Variants in RIC8B observed in about 807,000 individuals in gnomAD.
RIC8B encodes the protein chaperone Ric-8B.
RIC8B carries 16 observed loss-of-function variants against 57.5 expected under a neutral mutation model. That is an observed-to-expected ratio of 0.28 (90% CI 0.19 to 0.42). RIC8B has a LOEUF of 0.42. RIC8B is among the 10% of genes least tolerant of loss of function. The probability of loss-of-function intolerance (pLI) is 1.00; values close to 1 mark genes in which losing one functional copy is unlikely to be tolerated. For synonymous variants in RIC8B, 216 were observed against 250.8 expected, an observed-to-expected ratio of 0.86 and a Z score of 1.31; for missense variants, 481 against 677.0, an observed-to-expected ratio of 0.71 and a Z score of 3.21.
At chr12:106,786,771 CTG>C (rs571269384) in intron 2 of RIC8B, among the ~76,000 whole-genome samples, 39 of 151,384 alleles carry the variant, frequency 2.6e-4, no homozygotes, top group African/African-American at 9.0e-4. Context: ...AAGAGATTTG[CTG>C]TATGTGCTAA....
intron 2 of RIC8B, among the ~76,000 whole-genome samples, chr12:106,812,818 A>C (rs1267405327): frequency 6.6e-6 from 1 of 152,220 alleles, no homozygotes; most frequent in Non-Finnish European, 1.5e-5. Context: ...GTGCTTTAAC[A>C]ATGATAGTAA....
chr12:106,847,164 G>A lies in RIC8B; in HGVS notation c.1161+3217G>A, dbSNP rs191352417. 7.2e-5 allele frequency among the ~76,000 whole-genome samples: 11 copies of A among 152,140 alleles called. No individual in the cohort carries two copies. The East Asian group carries it at 1.3e-3, about 19-fold the overall frequency. The stretch of plus-strand genomic sequence containing the variant: ...TTGTATTATTCTGGAGAGGCTTATA[G>A]AAGCAATGAGTATTTGGGGGATTTG... On this transcript the variant is annotated intron_variant, in intron 6 of 9. Coordinates refer to ENST00000392837, the MANE Select transcript of RIC8B (RefSeq NM_001330145.2).
intron 2 of RIC8B, among the ~76,000 whole-genome samples, chr12:106,811,538 G>A (rs1222167356): frequency 3.3e-5 from 5 of 152,128 alleles, no homozygotes; most frequent in Non-Finnish European, 7.4e-5. Context: ...ATTTCAGTTC[G>A]GGAGCAAACT....
At chr12:106,815,882 ATACCAGAGTGTGGGAAAGGTTAT>A (rs1269208045) in intron 3 of RIC8B, among the ~76,000 whole-genome samples, 1 of 152,232 alleles carries the variant, frequency 6.6e-6, no homozygotes, top group Admixed American at 6.5e-5. Context: ...CAAGCTGATT[ATACCAGAGTGTGGGAAAGGTTAT>A]TTTAAACCAC....
chr12:106,782,535 G>GTCT (rs2043812513), intron 1 of RIC8B, among the ~76,000 whole-genome samples: 1 of 152,178 alleles, frequency 6.6e-6, no homozygotes, highest in Non-Finnish European at 1.5e-5. Context: ...CTCCGTCGTA[G>GTCT]TCTTCCCCTG....
Position 106,804,989 on chromosome 12 carries a change from A to G in RIC8B, c.133-9707A>G, listed in dbSNP as rs191734152. On this transcript the variant is annotated intron_variant, in intron 2 of 9. Transcript: ENST00000392837. ...TGAGAAAAGGCACAGAAGTTTGGACAGGCATTAGAGAGTAGATTATTGTGC... is the reference window on the plus strand; with the variant it reads ...TGAGAAAAGGCACAGAAGTTTGGACGGGCATTAGAGAGTAGATTATTGTGC... Among the ~76,000 whole-genome samples the G allele has an allele frequency of 2.4e-3, 362 of 152,328 alleles. 1 individual carries two copies. Among genetic ancestry groups the G allele is most frequent in the African/African-American group, 8.2e-3 (339 of 41,582 alleles).
chr12:106,814,962 G>T lies in RIC8B; in HGVS notation c.399G>T (p.Gln133His). The change falls in exon 3 of 10, where the codon CAG (glutamine) becomes CAT (histidine). Residue 133 changes from glutamine to histidine, a missense_variant. Gln to His is a conservative substitution (Grantham distance 24). This residue lies in a region of RIC8B where 421 missense variants were observed against 560.9 expected (regional missense o/e 0.75). Coordinates refer to ENST00000392837, the MANE Select transcript of RIC8B (RefSeq NM_001330145.2). ...TGTTCAACAGTCAGATGGCACAGCA[G>T]CTCAGCCTGGAACTTAATCTTGCTG... ...NIVFNSQMAQQLSLELNLAAK... is the reference protein window; with the variant it reads ...NIVFNSQMAQHLSLELNLAAK... 1 of 1,614,234 alleles carries T rather than the reference G, an allele frequency of 6.2e-7. No individual in the cohort carries two copies. Among genetic ancestry groups the T allele is most frequent in the Non-Finnish European group, 8.5e-7 (1 of 1,180,036 alleles).
chr12:106,844,081 T>G, intron 6 of RIC8B, 134 bp downstream of exon 6: 1 of 686,102 alleles, frequency 1.5e-6, no homozygotes, highest in East Asian at 2.7e-5. Flanking sequence ...TGAAATCTTC[T>G]TAATCAAGAA....
intron 9 of RIC8B, among the ~76,000 whole-genome samples, chr12:106,883,747 A>G (rs114716250): frequency 0.013 from 1,981 of 151,812 alleles, 23 homozygotes; most frequent in Middle Eastern, 0.048. Flanking sequence ...TCTGCCACCA[A>G]TTCCAATGTG....
At chr12:106,782,438 A>G (rs2136158096) in intron 1 of RIC8B, among the ~76,000 whole-genome samples, 1 of 152,286 alleles carries the variant, frequency 6.6e-6, no homozygotes, top group South Asian at 2.1e-4. Flanking sequence ...CATTCCTCAC[A>G]GGGCATTATG....
In RIC8B at chr12:106,860,375, G is replaced by A; in HGVS notation, c.1414G>A (p.Asp472Asn). Residue 472 changes from aspartate to asparagine, a missense_variant, in exon 8 of 10, where the codon GAC becomes AAC. Around this residue, in one of 3 missense-constraint regions of RIC8B, gnomAD observed 43 missense variants for 99.8 expected, o/e 0.43. Transcript: ENST00000392837. ...RGDNWYSEDE[D>N]TDTEEYKNAK... The stretch of plus-strand genomic sequence containing the variant: ...AGATAATTGGTACTCAGAGGATGAG[G>A]ACACAGACACTGAAGAATACAAAAA... 2 of 1,595,382 alleles carry A rather than the reference G, an allele frequency of 1.3e-6. No homozygotes were observed. The highest frequency in any genetic ancestry group is 1.7e-6 in the Non-Finnish European group (2 of 1,171,584).
At chr12:106,836,697 C>T (rs757184443) in intron 4 of RIC8B, among the ~76,000 whole-genome samples, 1 of 152,228 alleles carries the variant, frequency 6.6e-6, no homozygotes, top group Non-Finnish European at 1.5e-5. Flanking sequence ...TGATGGCCTA[C>T]TGACTGTCCT....
At chr12:106,862,360 G>C (rs1482103746) in intron 8 of RIC8B, among the ~76,000 whole-genome samples, 2 of 151,936 alleles carry the variant, frequency 1.3e-5, no homozygotes, top group African/African-American at 4.8e-5. Flanking sequence ...CTTTTTTAAA[G>C]TGAAAAAGTG....
intron 4 of RIC8B, among the ~76,000 whole-genome samples, chr12:106,842,384 T>C (rs1173378576): frequency 6.6e-6 from 1 of 152,208 alleles, no homozygotes; most frequent in East Asian, 1.9e-4. Flanking sequence ...ACATTTGTTT[T>C]TTTTCTAATT....
intron 2 of RIC8B, 48 bp downstream of exon 2, chr12:106,784,092 A>G: frequency 1.3e-6 from 2 of 1,499,214 alleles, no homozygotes; most frequent in Non-Finnish European, 9.2e-7. Context: ...TGTGTATTGC[A>G]TTCATGGACT....
At chr12:106,866,584 T>C (rs1243544958) in intron 8 of RIC8B, among the ~76,000 whole-genome samples, 1 of 152,158 alleles carries the variant, frequency 6.6e-6, no homozygotes, top group Non-Finnish European at 1.5e-5. Flanking sequence ...ATCCCTTTCG[T>C]AGGGGTTGCA....
At chr12:106,819,904 C>T (rs1301199021) in intron 3 of RIC8B, among the ~76,000 whole-genome samples, 1 of 151,756 alleles carries the variant, frequency 6.6e-6, no homozygotes, top group Admixed American at 6.6e-5. Context: ...AGATTGTTTG[C>T]AGTTGCTTGC....
In RIC8B at chr12:106,867,620, C is replaced by T. The variant is rs886236024; in HGVS notation, c.1452-3203C>T. On this transcript the variant is annotated intron_variant, in intron 8 of 9. Transcript: ENST00000392837. The surrounding 1 kb of genome is among the most constrained non-coding windows in gnomAD (Gnocchi z 4.3). ...AAGTAATCTATTTTATGAAATCTCA[C>T]GTCTTTGTTGTCACAATGGCTATTA... Among the ~76,000 whole-genome samples, 4 of 152,116 alleles carry T rather than the reference C, an allele frequency of 2.6e-5. No homozygotes were observed. Among genetic ancestry groups the T allele is most frequent in the African/African-American group, 7.2e-5 (3 of 41,428 alleles).
intron 2 of RIC8B, 77 bp from the exon 3 acceptor site, chr12:106,814,619 A>T: frequency 7.1e-7 from 1 of 1,400,436 alleles, no homozygotes; most frequent in South Asian, 1.4e-5. Context: ...GTTGTTAAGT[A>T]CATTGGCAGA....
Sources: allele counts gnomAD v4.1 joint callset (sites outside exome capture counted in the v4.1 genomes callset), GRCh38; gene constraint gnomAD v4.1.1; regional missense constraint gnomAD v4.1.1; non-coding constraint Gnocchi (gnomAD v3.1); transcripts MANE v1.5; gene names NCBI Gene and HGNC (gene_info 2026-07-23, HGNC 2026-07-21).